RBMS1: variants seen among roughly 807,000 people sequenced by gnomAD.
RBMS1 encodes RNA binding motif single stranded interacting protein 1.
In RBMS1, 17 loss-of-function variants were observed where a neutral mutation model predicts 62.3. The observed-to-expected ratio is 0.27, with a 90% CI of 0.19 to 0.41. RBMS1 has a LOEUF of 0.41. Among genes scored for constraint, RBMS1 ranks in the 10% least tolerant of loss-of-function variants. The pLI is 1.00. For missense variants in RBMS1, 334 were observed against 504.5 expected, an observed-to-expected ratio of 0.66 and a Z score of 3.24; for synonymous variants, 172 against 170.0, an observed-to-expected ratio of 1.01 and a Z score of -0.09.
chr2:160,318,034 A>C (rs1690321751), intron 3 of RBMS1, 135 bp downstream of exon 3: 2 of 1,339,628 alleles, frequency 1.5e-6, no homozygotes. Context: ...GACACTGTGC[A>C]AGACAGAAAC....
rs34478081 is a variant in RBMS1 at position 160,390,688 on chromosome 2, C to CAAA, written c.76-23300_76-23298dup. ...TCCAGCCTGGGCTGAGACCCAGTCT[C>CAAA]AAAAAAAAAAAAAAAAAAAAAGCAA... is the stretch of plus-strand genomic sequence containing the variant. On this transcript the variant is annotated intron_variant, in intron 1 of 13. Coordinates refer to ENST00000348849, the MANE Select transcript of RBMS1 (RefSeq NM_016836.4). Among the ~76,000 whole-genome samples, 300 of 60,456 alleles carry CAAA rather than the reference C, an allele frequency of 5.0e-3. 6 individuals carry two copies. The highest frequency in any genetic ancestry group is 0.015 in the African/African-American group (252 of 16,352). The allele number at this position is 60,456 out of a possible 152,430, so 39.7% of individuals were successfully genotyped here. A position where few individuals can be genotyped will look rare whatever the true frequency, so the allele number is the denominator to read the frequency against.
At chr2:160,463,053 A>T (rs1684535382) in intron 1 of RBMS1, among the ~76,000 whole-genome samples, 1 of 152,178 alleles carries the variant, frequency 6.6e-6, no homozygotes, top group African/African-American at 2.4e-5. Context: ...CTTCCTGCAG[A>T]ACTGAGAAGA....
chr2:160,350,727 C>A (rs1284223071), intron 2 of RBMS1, among the ~76,000 whole-genome samples: 1 of 152,102 alleles, frequency 6.6e-6, no homozygotes, highest in Non-Finnish European at 1.5e-5. Flanking sequence ...TGTATATGTG[C>A]CACATTTTCT....
intron 2 of RBMS1, among the ~76,000 whole-genome samples, chr2:160,320,376 G>A (rs1690487492): frequency 6.6e-6 from 1 of 152,204 alleles, no homozygotes; most frequent in African/African-American, 2.4e-5. Context: ...AGGAGGCTGA[G>A]GTGGGAGGGT....
At chr2:160,287,341 A>G (rs1688454078) in intron 6 of RBMS1, among the ~76,000 whole-genome samples, 1 of 152,182 alleles carries the variant, frequency 6.6e-6, no homozygotes, top group Non-Finnish European at 1.5e-5. Context: ...TCACTTTCAC[A>G]CTTAAGAGTA....
intron 2 of RBMS1, among the ~76,000 whole-genome samples, chr2:160,341,902 G>C (rs921252644): frequency 2.0e-5 from 3 of 152,242 alleles, no homozygotes; most frequent in Middle Eastern, 3.4e-3. Flanking sequence ...AAACATTTAT[G>C]ACTAAAATTT....
chr2:160,284,910 T>C (rs1365350732), intron 8 of RBMS1, 42 bp from the exon 9 acceptor site: 5 of 1,568,324 alleles, frequency 3.2e-6, no homozygotes, highest in Admixed American at 3.4e-5. Flanking sequence ...ATCCTTTAAA[T>C]AGAATAATTC....
intron 3 of RBMS1, among the ~76,000 whole-genome samples, chr2:160,316,281 C>T (rs1046078895): frequency 3.3e-5 from 5 of 152,100 alleles, no homozygotes; most frequent in African/African-American, 1.2e-4. Context: ...ACTCACCCAC[C>T]GTCTCAACCC....
At chr2:160,343,974 C>T (rs1448055632) in intron 2 of RBMS1, among the ~76,000 whole-genome samples, 1 of 152,122 alleles carries the variant, frequency 6.6e-6, no homozygotes, top group Non-Finnish European at 1.5e-5. Flanking sequence ...CTATCCTACT[C>T]TTTGTTGGCC....
chr2:160,452,744 T>C (rs1559569635), intron 1 of RBMS1, among the ~76,000 whole-genome samples: 2 of 152,188 alleles, frequency 1.3e-5, no homozygotes, highest in Non-Finnish European at 2.9e-5. Flanking sequence ...CTGGAGGGTA[T>C]AGCAGAGAAC....
chr2:160,355,378 C>T (rs924394306), intron 2 of RBMS1, among the ~76,000 whole-genome samples: 1 of 152,088 alleles, frequency 6.6e-6, no homozygotes, highest in Admixed American at 6.6e-5. Context: ...CAAACAGGCA[C>T]TCAATTTGCA....
Position 160,364,409 on chromosome 2 carries a change from C to T in RBMS1, c.251+2807G>A, listed in dbSNP as rs975277853. Reference sequence around the variant, plus strand: ...TTAAATGTTTCTAGGAAATTTATCTCTTTTCAATCCAGATTACCTGACAGC... The same window carrying T: ...TTAAATGTTTCTAGGAAATTTATCTTTTTTCAATCCAGATTACCTGACAGC... On this transcript the variant is annotated intron_variant, in intron 2 of 13. Coordinates refer to ENST00000348849, the MANE Select transcript of RBMS1 (RefSeq NM_016836.4). 7.9e-4 allele frequency among the ~76,000 whole-genome samples: 120 copies of T among 152,180 alleles called. 2 individuals carry two copies. Among genetic ancestry groups the T allele is most frequent in the Non-Finnish European group, 1.8e-4 (12 of 68,022 alleles).
At chr2:160,381,572 C>T (rs547600567) in intron 1 of RBMS1, among the ~76,000 whole-genome samples, 23 of 152,234 alleles carry the variant, frequency 1.5e-4, no homozygotes, top group Non-Finnish European at 2.8e-4. Flanking sequence ...AGGTAGCAGT[C>T]AGGTTGTGAA....
chr2:160,343,761 CTAAAAA>C (rs1692023208), intron 2 of RBMS1, among the ~76,000 whole-genome samples: 1 of 152,044 alleles, frequency 6.6e-6, no homozygotes, highest in Non-Finnish European at 1.5e-5. Context: ...TTTTTAAAAC[CTAAAAA>C]TAAACTATCC....
intron 2 of RBMS1, among the ~76,000 whole-genome samples, chr2:160,327,845 T>G (rs1691041111): frequency 6.6e-6 from 1 of 152,196 alleles, no homozygotes; most frequent in Non-Finnish European, 1.5e-5. Context: ...AATGTCCAAC[T>G]TTTAAAGCAA....
intron 2 of RBMS1, among the ~76,000 whole-genome samples, chr2:160,333,054 G>T (rs1210895117): frequency 2.0e-5 from 3 of 151,856 alleles, no homozygotes; most frequent in African/African-American, 7.3e-5. Flanking sequence ...CATTAAAATG[G>T]GATTCAAGAC....
intron 2 of RBMS1, among the ~76,000 whole-genome samples, chr2:160,326,831 T>C (rs1229094686): frequency 6.6e-6 from 1 of 152,212 alleles, no homozygotes; most frequent in African/African-American, 2.4e-5. Context: ...AAGTCTTAAA[T>C]GCTTAACTTG....
At chr2:160,443,223 C>CA (rs74743720) in intron 1 of RBMS1, among the ~76,000 whole-genome samples, 12,537 of 135,182 alleles carry the variant, frequency 0.093, 754 homozygotes, top group East Asian at 0.25. Context: ...AAAAAAAAAA[C>CA]AAAAAAAAAA....
At chr2:160,448,662 C>A (rs186406113) in intron 1 of RBMS1, among the ~76,000 whole-genome samples, 23 of 152,326 alleles carry the variant, frequency 1.5e-4, no homozygotes, top group African/African-American at 5.1e-4. Context: ...ACCTCCCAGC[C>A]GCCTGCCTTG....
Sources: allele counts gnomAD v4.1 joint callset (sites outside exome capture counted in the v4.1 genomes callset), GRCh38; gene constraint gnomAD v4.1.1; transcripts MANE v1.5; gene names NCBI Gene and HGNC (gene_info 2026-07-23, HGNC 2026-07-21).